The following ADAM12 variants were observed in gnomAD, a reference collection of about 807,000 sequenced individuals.
The protein encoded by ADAM12 is ADAM metallopeptidase domain 12.
ADAM12 carries 70 observed loss-of-function variants against 106.4 expected under a neutral mutation model. The observed-to-expected ratio is 0.66, with a 90% CI of 0.54 to 0.80. The LOEUF is 0.80. Ranked by LOEUF, ADAM12 falls within the 30% of genes least tolerant of loss-of-function variation. The pLI is 0.00. For synonymous variants in ADAM12, 420 were observed against 433.5 expected (o/e 0.97, Z 0.39); for missense variants, 1,010 against 1,171.9 (o/e 0.86, Z 2.02).
At chr10:126,223,921 A>G (rs1174748989) in intron 3 of ADAM12, among the ~76,000 whole-genome samples, 3 of 152,200 alleles carry the variant, frequency 2.0e-5, no homozygotes, top group Non-Finnish European at 2.9e-5. Context: ...GTTCGTGCCC[A>G]GACTTATAGA....
At chr10:126,023,374 T>C (rs1327002993) in intron 21 of ADAM12, among the ~76,000 whole-genome samples, 1 of 151,910 alleles carries the variant, frequency 6.6e-6, no homozygotes, top group African/African-American at 2.4e-5. Context: ...CAGCAAATGT[T>C]TTAAGTCTAA....
At chr10:126,146,034 C>T (rs10901536) in intron 4 of ADAM12, among the ~76,000 whole-genome samples, 18 of 151,956 alleles carry the variant, frequency 1.2e-4, no homozygotes, top group South Asian at 2.1e-4. Flanking sequence ...TCATTCAGGC[C>T]GGTGCGGGGT....
At chr10:126,355,410 T>C (rs770281729) in intron 1 of ADAM12, among the ~76,000 whole-genome samples, 43 of 152,330 alleles carry the variant, frequency 2.8e-4, no homozygotes, top group Middle Eastern at 3.4e-3. Flanking sequence ...GGCTTTACTA[T>C]CACCCACAGA....
At chr10:126,188,395 T>C (rs911534593) in intron 3 of ADAM12, among the ~76,000 whole-genome samples, 1 of 152,220 alleles carries the variant, frequency 6.6e-6, no homozygotes, top group Non-Finnish European at 1.5e-5. Context: ...TGCCCACACA[T>C]AAAACGTGCA....
chr10:126,151,324 A>T (rs1478402581), intron 4 of ADAM12, among the ~76,000 whole-genome samples: 1 of 152,238 alleles, frequency 6.6e-6, no homozygotes, highest in Non-Finnish European at 1.5e-5. Context: ...TATTAAAATC[A>T]CTATAAGAAA....
At chr10:126,343,220 T>C (rs1050629536) in intron 1 of ADAM12, among the ~76,000 whole-genome samples, 1 of 141,052 alleles carries the variant, frequency 7.1e-6, no homozygotes, top group Non-Finnish European at 1.5e-5. Context: ...GATGTTCTCT[T>C]TCCTGTGTCC....
chr10:126,083,364 C>T (rs1955268488), intron 11 of ADAM12, among the ~76,000 whole-genome samples: 1 of 152,228 alleles, frequency 6.6e-6, no homozygotes, highest in South Asian at 2.1e-4. Flanking sequence ...CACTCAACCA[C>T]ACCGTCTCGA....
chr10:126,116,048 A>G (rs538347153), intron 6 of ADAM12, among the ~76,000 whole-genome samples: 3 of 152,324 alleles, frequency 2.0e-5, no homozygotes, highest in South Asian at 4.1e-4. Context: ...TTGCACTTCA[A>G]TATGCATTAT....
At chr10:126,203,112 A>G (rs1487724241) in intron 3 of ADAM12, among the ~76,000 whole-genome samples, 1 of 152,214 alleles carries the variant, frequency 6.6e-6, no homozygotes, top group Non-Finnish European at 1.5e-5. Context: ...TTATGGAGAC[A>G]GCGATGGTCA....
intron 3 of ADAM12, among the ~76,000 whole-genome samples, chr10:126,241,611 G>C (rs1285730496): frequency 1.1e-4 from 17 of 152,152 alleles, no homozygotes; most frequent in Admixed American, 9.8e-4. Context: ...GACAAAGCAG[G>C]TGTGTTTAAG....
At position 126,292,693 on chromosome 10, in the gene ADAM12, G is replaced by A. The variant is rs1960207613; in HGVS notation, c.187-13705C>T. Reference sequence around the variant, plus strand: ...TAGCCATACAGTCCCTGTCATGACTGCTCAACTCTGCCACTGCAGTGCAAA... The same window carrying A: ...TAGCCATACAGTCCCTGTCATGACTACTCAACTCTGCCACTGCAGTGCAAA... On this transcript the variant is annotated intron_variant, in intron 2 of 22. Coordinates refer to ENST00000448723, the MANE Select transcript of ADAM12 (RefSeq NM_001288973.2). Among the ~76,000 whole-genome samples the A allele has an allele frequency of 2.6e-5, 4 of 152,272 alleles. No homozygotes were observed. The South Asian group carries it at 6.2e-4, about 24-fold the overall frequency.
intron 3 of ADAM12, among the ~76,000 whole-genome samples, chr10:126,204,073 G>A (rs369785273): frequency 2.6e-5 from 4 of 152,176 alleles, no homozygotes; most frequent in Admixed American, 6.5e-5. Context: ...TGCCAGTGGC[G>A]AATGCTTTGG....
intron 3 of ADAM12, 63 bp downstream of exon 3, chr10:126,278,852 G>C: frequency 8.0e-7 from 1 of 1,243,874 alleles, no homozygotes; most frequent in Non-Finnish European, 1.1e-6. Context: ...AAATCACAGA[G>C]CACTTTTCTG....
intron 5 of ADAM12, among the ~76,000 whole-genome samples, chr10:126,129,243 TGA>T (rs1956261956): frequency 6.6e-6 from 1 of 152,206 alleles, no homozygotes; most frequent in Non-Finnish European, 1.5e-5. Context: ...GAGTCAGAGC[TGA>T]GAGAGCGGGG....
chr10:126,180,384 G>C (rs184214565), intron 3 of ADAM12, among the ~76,000 whole-genome samples: 37 of 152,166 alleles, frequency 2.4e-4, no homozygotes, highest in African/African-American at 8.4e-4. Flanking sequence ...CCCAGCAACC[G>C]ACCTCAGGAG....
chr10:126,090,312 C>CAAAAAAAA (rs58704417), intron 11 of ADAM12, among the ~76,000 whole-genome samples: 1 of 123,342 alleles, frequency 8.1e-6, no homozygotes, highest in Non-Finnish European at 1.7e-5. Flanking sequence ...AAACTTTCTG[C>CAAAAAAAA]AAAAAAAAAA....
At chr10:126,340,184 G>A (rs1854873956) in intron 1 of ADAM12, among the ~76,000 whole-genome samples, 1 of 152,130 alleles carries the variant, frequency 6.6e-6, no homozygotes, top group South Asian at 2.1e-4. Flanking sequence ...GGCTAACTCT[G>A]ACCCATAATG....
intron 3 of ADAM12, among the ~76,000 whole-genome samples, chr10:126,200,647 C>T (rs1438912378): frequency 6.6e-6 from 1 of 152,052 alleles, no homozygotes; most frequent in Non-Finnish European, 1.5e-5. Flanking sequence ...GTTACGGTGC[C>T]CAGTGAACTC....
At chr10:126,310,757 T>C (rs1239045855) in intron 2 of ADAM12, among the ~76,000 whole-genome samples, 2 of 152,138 alleles carry the variant, frequency 1.3e-5, no homozygotes, top group Non-Finnish European at 2.9e-5. Context: ...CAAAAGAACT[T>C]TCTCAGTAAA....
Sources: allele counts gnomAD v4.1 joint callset (sites outside exome capture counted in the v4.1 genomes callset), GRCh38; gene constraint gnomAD v4.1.1; transcripts MANE v1.5; gene names NCBI Gene and HGNC (gene_info 2026-07-23, HGNC 2026-07-21).